Variants in USP37 observed in about 807,000 individuals in gnomAD.
USP37 encodes ubiquitin specific peptidase 37, also known as ubiquitin carboxyl-terminal hydrolase 37.
In USP37, 27 loss-of-function variants were observed where a neutral mutation model predicts 124.0. The ratio of observed to expected loss-of-function variants is 0.22; its 90% confidence interval spans 0.16 to 0.30. The LOEUF (loss-of-function observed/expected upper bound fraction) is 0.30, where lower values mean the gene tolerates loss of function less well. USP37 is among the 10% of genes least tolerant of loss of function. USP37 has a pLI of 1.00. For missense variants in USP37, 889 were observed against 1,140.4 expected, an observed-to-expected ratio of 0.78 and a Z score of 3.17; for synonymous variants, 365 against 388.0, an observed-to-expected ratio of 0.94 and a Z score of 0.70.
chr2:218,485,247 C>G (rs1484215538), intron 16 of USP37, among the ~76,000 whole-genome samples: 1 of 151,968 alleles, frequency 6.6e-6, no homozygotes, highest in Admixed American at 6.5e-5. Flanking sequence ...CCTCTGTTGC[C>G]ATTTTCTTGG....
chr2:218,470,358 A>C lies in USP37; in HGVS notation c.2300-4182T>G, dbSNP rs1690607953. ...CCATCAACTTTTTTTTTCAAGCCAA[A>C]ACCTTGGCTTAGGACACCACTAACT... On this transcript the variant is annotated intron_variant, in intron 20 of 25. Coordinates refer to ENST00000258399, the MANE Select transcript of USP37 (RefSeq NM_020935.3). 3.3e-5 allele frequency among the ~76,000 whole-genome samples: 5 copies of C among 152,122 alleles called. 1 individual carries two copies. In the East Asian group the frequency reaches 9.6e-4, roughly 29 times the overall value.
chr2:218,535,126 G>A (rs1691547662), intron 8 of USP37, among the ~76,000 whole-genome samples: 1 of 151,294 alleles, frequency 6.6e-6, no homozygotes, highest in Non-Finnish European at 1.5e-5. Context: ...AGCACTTTGG[G>A]AGGCTGAGGC....
intron 9 of USP37, among the ~76,000 whole-genome samples, chr2:218,530,303 A>G (rs1229767803): frequency 6.6e-6 from 1 of 152,118 alleles, no homozygotes; most frequent in Non-Finnish European, 1.5e-5. Context: ...TCCCAACAGT[A>G]TACGCTCGCT....
At chr2:218,499,029 C>T (rs910982901) in intron 11 of USP37, among the ~76,000 whole-genome samples, 5 of 152,172 alleles carry the variant, frequency 3.3e-5, no homozygotes, top group African/African-American at 1.2e-4. Context: ...AATCCCAGCA[C>T]TTTGGGAGGC....
intron 5 of USP37, among the ~76,000 whole-genome samples, chr2:218,550,302 T>C (rs1468040525): frequency 6.6e-6 from 1 of 150,520 alleles, no homozygotes; most frequent in African/African-American, 2.5e-5. Context: ...TCCAATAACA[T>C]ATACTCCAAA....
intron 10 of USP37, among the ~76,000 whole-genome samples, chr2:218,516,231 T>C (rs538615165): frequency 6.7e-5 from 10 of 149,734 alleles, no homozygotes; most frequent in African/African-American, 2.4e-4. Context: ...TAAAGACACA[T>C]GCACACATAA....
At chr2:218,535,406 T>C (rs1460464667) in intron 8 of USP37, among the ~76,000 whole-genome samples, 1 of 146,542 alleles carries the variant, frequency 6.8e-6, no homozygotes, top group East Asian at 2.1e-4. Context: ...TGGCAGTTTA[T>C]AGGTTTACAA....
rs1553560817 is a variant in USP37 at position 218,556,502 on chromosome 2, T to TG, written c.156+1995dup. Among the ~76,000 whole-genome samples the TG allele has an allele frequency of 3.5e-4, 44 of 124,264 alleles. 2 individuals are homozygous for TG. In the East Asian group the frequency reaches 0.01, roughly 29 times the overall value. 81.5% of individuals were successfully genotyped at this position (124,264 alleles called of 152,430 possible). ...TGTATTTGGTTACTCTGGGTTTTTC[T>TG]GTTTTTTTTTTTTTTTTTTTTTTTT... On this transcript the variant is annotated intron_variant, in intron 4 of 25. Transcript: ENST00000258399.
At chr2:218,562,064 T>C (rs1288334366) in intron 2 of USP37, among the ~76,000 whole-genome samples, 1 of 152,224 alleles carries the variant, frequency 6.6e-6, no homozygotes, top group Admixed American at 6.5e-5. Context: ...ATGTAGGACA[T>C]AAAATTGGCA....
intron 22 of USP37, among the ~76,000 whole-genome samples, chr2:218,461,264 T>G (rs779493937): frequency 1.3e-5 from 2 of 152,086 alleles, no homozygotes; most frequent in Admixed American, 6.6e-5. Flanking sequence ...TCCCAGCACT[T>G]TGGGAGGCCG....
intron 20 of USP37, among the ~76,000 whole-genome samples, chr2:218,471,638 C>G (rs1373080930): frequency 6.6e-6 from 1 of 152,162 alleles, no homozygotes; most frequent in African/African-American, 2.4e-5. Context: ...CTCATATCAG[C>G]AAATGGTACC....
chr2:218,529,477 CAAA>C (rs71403049), intron 10 of USP37, among the ~76,000 whole-genome samples: 1 of 112,462 alleles, frequency 8.9e-6, no homozygotes, highest in Non-Finnish European at 1.9e-5. Context: ...TGGTCTCAAA[CAAA>C]AAAAAAAAAA....
chr2:218,529,905 G>GAAA, intron 10 of USP37, 51 bp downstream of exon 10: 1 of 1,378,050 alleles, frequency 7.3e-7, no homozygotes, highest in South Asian at 1.3e-5. Flanking sequence ...TCAATATTCT[G>GAAA]AAAAAAAAAG....
chr2:218,487,865 G>A (rs1029311364), intron 15 of USP37, among the ~76,000 whole-genome samples: 3 of 151,664 alleles, frequency 2.0e-5, no homozygotes, highest in Admixed American at 2.0e-4. Context: ...CTTCTCATCT[G>A]TTTTCCCCAC....
chr2:218,489,425 C>A (rs778453670), intron 14 of USP37, among the ~76,000 whole-genome samples: 1 of 151,818 alleles, frequency 6.6e-6, no homozygotes, highest in Non-Finnish European at 1.5e-5. Context: ...TCCCTAGAAG[C>A]CCCCTTGCAC....
chr2:218,474,814 T>C lies in USP37; in HGVS notation c.2115A>G (p.Glu705=), dbSNP rs936169248. ...LENSGFDRMS[E]EELLAAVLEI... ...CCAAGACAGCTGCTAGAAGCTCTTC[T>C]TCGCTCATTCTGTCAAATCCTGAGT... Residue 705 remains glutamate, a synonymous_variant, in exon 20 of 26, where the codon GAA becomes GAG. Transcript: ENST00000258399. 9 of 1,614,182 alleles carry C rather than the reference T, an allele frequency of 5.6e-6. No individual in the cohort carries two copies. The highest frequency in any genetic ancestry group is 6.8e-6 in the Non-Finnish European group (8 of 1,180,042).
intron 14 of USP37, among the ~76,000 whole-genome samples, chr2:218,491,830 T>C (rs1688796196): frequency 6.6e-6 from 1 of 152,154 alleles, no homozygotes; most frequent in African/African-American, 2.4e-5. Context: ...GAGTATCTGA[T>C]AGCATGGCAA....
intron 9 of USP37, 121 bp from the exon 10 acceptor site, chr2:218,530,161 C>A (rs1691239438): frequency 1.5e-6 from 1 of 662,140 alleles, no homozygotes; most frequent in Middle Eastern, 2.9e-4. Flanking sequence ...TCATCAAATA[C>A]AGGAATACCT....
chr2:218,559,302 C>T (rs903645921), intron 3 of USP37, among the ~76,000 whole-genome samples: 5 of 152,090 alleles, frequency 3.3e-5, no homozygotes, highest in Admixed American at 2.6e-4. Flanking sequence ...AGAGTGAAGA[C>T]ACTGTCTCAA....
Sources: allele counts gnomAD v4.1 joint callset (sites outside exome capture counted in the v4.1 genomes callset), GRCh38; gene constraint gnomAD v4.1.1; transcripts MANE v1.5; gene names NCBI Gene and HGNC (gene_info 2026-07-23, HGNC 2026-07-21).